The following ETS1 variants were observed in gnomAD, a reference collection of about 807,000 sequenced individuals.
ETS1 encodes ETS proto-oncogene 1, transcription factor.
Under a neutral mutation model 58.6 loss-of-function variants are expected in ETS1, and 15 were observed. The ratio of observed to expected loss-of-function variants is 0.26; its 90% CI spans 0.17 to 0.39. The LOEUF (loss-of-function observed/expected upper bound fraction) is 0.39. Among genes scored for constraint, ETS1 ranks in the 10% least tolerant of loss-of-function variants. The probability of loss-of-function intolerance (pLI) is 1.00; values close to 1 mark genes in which losing one functional copy is unlikely to be tolerated. For synonymous variants in ETS1, 214 were observed against 218.2 expected, an observed-to-expected ratio of 0.98 and a Z score of 0.17; for missense variants, 417 against 610.5, an observed-to-expected ratio of 0.68 and a Z score of 3.34.
chr11:128,579,606 A>G (rs1372542208), intron 1 of ETS1, among the ~76,000 whole-genome samples: 3 of 151,090 alleles, frequency 2.0e-5, no homozygotes, highest in African/African-American at 4.9e-5. Context: ...GGTTGCAGTG[A>G]GCCGAGATCT....
chr11:128,462,075 C>T lies in ETS1; in HGVS notation c.*286G>A. On this transcript the variant is annotated 3_prime_UTR_variant, in exon 10 of 10. Transcript: ENST00000392668. Reference sequence around the variant, plus strand: ...TTTAAAAATGATTGGACACATTAGTCTCTTTCTCTGTTAAGCCAGAGCCTT... The same window carrying T: ...TTTAAAAATGATTGGACACATTAGTTTCTTTCTCTGTTAAGCCAGAGCCTT... 2.5e-6 allele frequency: 1 copy of T among 395,148 alleles called. No individual in the cohort carries two copies. The highest frequency in any genetic ancestry group is 4.0e-5 in the East Asian group (1 of 25,070). The allele number at this position is 395,148 out of a possible 1,614,324, so 24.5% of individuals were successfully genotyped here.
At chr11:128,533,936 G>T (rs1863936061) in intron 3 of ETS1, among the ~76,000 whole-genome samples, 1 of 152,206 alleles carries the variant, frequency 6.6e-6, no homozygotes, top group Admixed American at 6.5e-5. Flanking sequence ...CTAAATGAAT[G>T]AATAAAATAA....
At chr11:128,498,332 G>A (rs955077193) in intron 3 of ETS1, among the ~76,000 whole-genome samples, 3 of 152,122 alleles carry the variant, frequency 2.0e-5, no homozygotes, top group East Asian at 3.9e-4. Flanking sequence ...ACAAATAAGC[G>A]ACTGAGAAAA....
chr11:128,556,976 T>C (rs1433009019), intron 2 of ETS1, among the ~76,000 whole-genome samples: 1 of 152,222 alleles, frequency 6.6e-6, no homozygotes, highest in Non-Finnish European at 1.5e-5. Context: ...GCCCCAATTT[T>C]CGAAGACTTG....
At chr11:128,490,015 C>A (rs1862752651) in intron 4 of ETS1, among the ~76,000 whole-genome samples, 1 of 152,136 alleles carries the variant, frequency 6.6e-6, no homozygotes, top group South Asian at 2.1e-4. Flanking sequence ...TTATTAGGTG[C>A]CTGTATTATA....
intron 3 of ETS1, among the ~76,000 whole-genome samples, chr11:128,515,252 T>TCA (rs34618232): frequency 0.067 from 10,083 of 150,282 alleles, 361 homozygotes; most frequent in East Asian, 0.14. Flanking sequence ...TATCTCTCTG[T>TCA]CACACACACA....
chr11:128,558,685 G>C (rs1380410378), intron 2 of ETS1, among the ~76,000 whole-genome samples: 1 of 119,604 alleles, frequency 8.4e-6, no homozygotes, highest in Non-Finnish European at 1.8e-5. Context: ...AAAAAAAAAA[G>C]AGAGAGAGAG....
At chr11:128,497,391 T>C (rs1285871470) in intron 3 of ETS1, among the ~76,000 whole-genome samples, 1 of 152,200 alleles carries the variant, frequency 6.6e-6, no homozygotes, top group Non-Finnish European at 1.5e-5. Context: ...ATGGAGAAGC[T>C]GGTTTCAGGT....
chr11:128,497,687 A>AG, intron 3 of ETS1: 2 of 497,704 alleles, frequency 4.0e-6, no homozygotes, highest in Non-Finnish European at 5.2e-6. Flanking sequence ...GCCAGACAAA[A>AG]GGGATTGCAG....
intron 3 of ETS1, among the ~76,000 whole-genome samples, chr11:128,525,844 A>G (rs1371244789): frequency 6.6e-6 from 1 of 152,190 alleles, no homozygotes; most frequent in East Asian, 1.9e-4. Context: ...ATTATCAAGC[A>G]GCAATAAAAT....
intron 2 of ETS1, among the ~76,000 whole-genome samples, chr11:128,569,589 A>C (rs1194210305): frequency 6.6e-6 from 1 of 151,888 alleles, no homozygotes; most frequent in Admixed American, 6.6e-5. Context: ...CAATGTCCTA[A>C]GGTTATATTT....
chr11:128,548,604 G>T (rs1311191429), intron 3 of ETS1, among the ~76,000 whole-genome samples: 2 of 152,250 alleles, frequency 1.3e-5, no homozygotes, highest in Non-Finnish European at 2.9e-5. Context: ...TCTAAGCCCA[G>T]AATCTCTTCT....
intron 3 of ETS1, among the ~76,000 whole-genome samples, chr11:128,490,861 G>A (rs1393901946): frequency 1.3e-5 from 2 of 151,832 alleles, no homozygotes; most frequent in Non-Finnish European, 2.9e-5. Context: ...TAGGATTATA[G>A]GCATGTGCCA....
At chr11:128,516,479 T>C (rs1231880655) in intron 3 of ETS1, among the ~76,000 whole-genome samples, 1 of 152,146 alleles carries the variant, frequency 6.6e-6, no homozygotes, top group Non-Finnish European at 1.5e-5. Context: ...GTTGTTCATA[T>C]ACAAATTCCT....
intron 3 of ETS1, among the ~76,000 whole-genome samples, chr11:128,546,999 G>A (rs947478658): frequency 5.3e-5 from 8 of 152,168 alleles, no homozygotes; most frequent in African/African-American, 1.9e-4. Flanking sequence ...ATCATCCTGA[G>A]GAGCATGAAA....
chr11:128,552,466 T>A (rs145949104), intron 3 of ETS1, among the ~76,000 whole-genome samples: 7 of 152,248 alleles, frequency 4.6e-5, no homozygotes, highest in Non-Finnish European at 1.0e-4. Context: ...GTGTTTCCTA[T>A]GTTCTCTAGC....
At chr11:128,483,865 G>A (rs1035119237) in intron 7 of ETS1, among the ~76,000 whole-genome samples, 24 of 152,148 alleles carry the variant, frequency 1.6e-4, no homozygotes, top group African/African-American at 5.1e-4. Flanking sequence ...CCCAAGCCCC[G>A]CTTGATCAGC....
chr11:128,500,911 T>A (rs959265918), intron 3 of ETS1, among the ~76,000 whole-genome samples: 2 of 152,220 alleles, frequency 1.3e-5, no homozygotes, highest in Non-Finnish European at 2.9e-5. Flanking sequence ...GACATTTGGT[T>A]GCCCCATCCT....
In ETS1 at chr11:128,549,439, C is replaced by G. The variant is rs1864194124; in HGVS notation, c.214+6852G>C. Among the ~76,000 whole-genome samples, 1 of 152,236 alleles carries G rather than the reference C, an allele frequency of 6.6e-6. No individual in the cohort carries two copies. Among genetic ancestry groups the G allele is most frequent in the Admixed American group, 6.5e-5 (1 of 15,288 alleles). ...GAGGAGTTCCAGGAGAGGGGTCAAA[C>G]TGCTTGAATCGCATAAGAACCCGGT... On this transcript the variant is annotated intron_variant, in intron 3 of 9. Coordinates refer to ENST00000392668, the MANE Select transcript of ETS1 (RefSeq NM_001143820.2). This position sits in a 1 kb window ranked among gnomAD's most constrained non-coding sequence, Gnocchi z 4.3.
Sources: gnomAD v4.1 joint callset for allele counts (sites outside exome capture counted in the v4.1 genomes callset) on GRCh38, gnomAD v4.1.1 for gene constraint, Gnocchi (gnomAD v3.1) non-coding constraint, MANE v1.5 for transcripts, NCBI Gene and HGNC (gene_info 2026-07-23, HGNC 2026-07-21) for gene names.